Variants in DLGAP2 observed in about 807,000 individuals in gnomAD.
The protein encoded by DLGAP2 is disks large-associated protein 2.
A neutral mutation model predicts 100.3 loss-of-function variants in DLGAP2; 26 were observed. That is an observed-to-expected ratio of 0.26 (90% CI 0.19 to 0.36). DLGAP2 has a LOEUF of 0.36. Ranked by LOEUF, DLGAP2 falls within the 10% of genes least tolerant of loss-of-function variation. The pLI, the probability that DLGAP2 is intolerant of heterozygous loss-of-function variation, is 1.00. For synonymous variants in DLGAP2, 886 were observed against 630.1 expected, an observed-to-expected ratio of 1.41 and a Z score of -6.08; for missense variants, 1,858 against 1,453.2, an observed-to-expected ratio of 1.28 and a Z score of -4.53.
intron 3 of DLGAP2, among the ~76,000 whole-genome samples, chr8:1,432,136 G>A (rs927936381): frequency 6.6e-6 from 1 of 152,160 alleles, no homozygotes; most frequent in Admixed American, 6.5e-5. Context: ...TTGATCATTC[G>A]GGGCTAGTTC....
chr8:1,453,300 T>A (rs1286743985), intron 3 of DLGAP2, among the ~76,000 whole-genome samples: 1 of 152,136 alleles, frequency 6.6e-6, no homozygotes, highest in African/African-American at 2.4e-5. Flanking sequence ...GGGAGGTGTG[T>A]GACTGTCACC....
At chr8:1,677,814 A>G (rs1474503623) in intron 11 of DLGAP2, among the ~76,000 whole-genome samples, 4 of 152,250 alleles carry the variant, frequency 2.6e-5, no homozygotes, top group African/African-American at 4.8e-5. Context: ...TTTGGAAGCC[A>G]CTACAACTCA....
chr8:1,025,575 T>G (rs1039516813), intron 2 of DLGAP2, among the ~76,000 whole-genome samples: 2 of 152,224 alleles, frequency 1.3e-5, no homozygotes, highest in Non-Finnish European at 2.9e-5. Context: ...GGAGAGCAGC[T>G]GTGTGGAATT....
At chr8:1,515,158 G>C (rs181567474) in intron 4 of DLGAP2, among the ~76,000 whole-genome samples, 46 of 152,280 alleles carry the variant, frequency 3.0e-4, no homozygotes, top group African/African-American at 1.0e-3. Flanking sequence ...GACATGGAAG[G>C]CAGCCTTGGA....
intron 3 of DLGAP2, among the ~76,000 whole-genome samples, chr8:1,411,647 C>G (rs1419572533): frequency 6.6e-6 from 1 of 152,214 alleles, no homozygotes; most frequent in African/African-American, 2.4e-5. Context: ...TCTCCTTTCC[C>G]TCCTGCTCTG....
chr8:807,884 C>T (rs1416256617), intron 1 of DLGAP2, among the ~76,000 whole-genome samples: 2 of 152,174 alleles, frequency 1.3e-5, no homozygotes, highest in Admixed American at 6.5e-5. Flanking sequence ...TAAATCACAG[C>T]AGCCGGAGGA....
chr8:1,452,979 G>C (rs186478791), intron 3 of DLGAP2, among the ~76,000 whole-genome samples: 1 of 152,320 alleles, frequency 6.6e-6, no homozygotes, highest in Non-Finnish European at 1.5e-5. Flanking sequence ...GTTATGGATG[G>C]GAAGGAGACG....
At chr8:797,422 A>G (rs1270144555) in intron 1 of DLGAP2, among the ~76,000 whole-genome samples, 1 of 152,250 alleles carries the variant, frequency 6.6e-6, no homozygotes, top group Non-Finnish European at 1.5e-5. Context: ...CTTCTGCTGA[A>G]GAATGTGCCA....
chr8:857,852 C>A (rs1797310149), intron 1 of DLGAP2, among the ~76,000 whole-genome samples: 1 of 150,618 alleles, frequency 6.6e-6, no homozygotes, highest in Admixed American at 6.7e-5. Flanking sequence ...AACTTCTGTT[C>A]ACACAAAAAC....
At chr8:1,065,119 A>G (rs929279685) in intron 2 of DLGAP2, among the ~76,000 whole-genome samples, 5 of 152,128 alleles carry the variant, frequency 3.3e-5, no homozygotes, top group Non-Finnish European at 5.9e-5. Flanking sequence ...GCCTGCCTTT[A>G]TTCACTCTCT....
At chr8:1,491,624 G>A (rs1005200639) in intron 3 of DLGAP2, among the ~76,000 whole-genome samples, 28 of 152,188 alleles carry the variant, frequency 1.8e-4, no homozygotes, top group African/African-American at 6.3e-4. Context: ...ACCTAACGCC[G>A]CATGTATTTG....
intron 3 of DLGAP2, among the ~76,000 whole-genome samples, chr8:1,344,371 T>C (rs1328376889): frequency 6.6e-6 from 1 of 152,224 alleles, no homozygotes; most frequent in African/African-American, 2.4e-5. Flanking sequence ...GGGACACAGC[T>C]GTGAATCCTC....
At chr8:1,566,365 C>G (rs1321180129) in intron 6 of DLGAP2, among the ~76,000 whole-genome samples, 1 of 152,092 alleles carries the variant, frequency 6.6e-6, no homozygotes, top group Non-Finnish European at 1.5e-5. Context: ...AAATATAATA[C>G]CCTACACTTT....
At chr8:1,622,151 G>A (rs924447582) in intron 6 of DLGAP2, 4 of 152,340 alleles carry the variant, frequency 2.6e-5, no homozygotes, top group East Asian at 1.9e-4. Flanking sequence ...GCACACGAAT[G>A]TCTGTTTCAC....
chr8:1,159,156 G>T (rs998198030), intron 2 of DLGAP2, among the ~76,000 whole-genome samples: 12 of 152,172 alleles, frequency 7.9e-5, no homozygotes, highest in Non-Finnish European at 1.6e-4. Context: ...AAAGATGTCT[G>T]ATAAAAAATA....
At chr8:800,255 G>T (rs1436821012) in intron 1 of DLGAP2, among the ~76,000 whole-genome samples, 1 of 152,226 alleles carries the variant, frequency 6.6e-6, no homozygotes, top group Non-Finnish European at 1.5e-5. Flanking sequence ...GGTGGTTTGA[G>T]AGGGTTTTAA....
intron 6 of DLGAP2, among the ~76,000 whole-genome samples, chr8:1,605,758 TC>T (rs993882536): frequency 6.6e-6 from 1 of 152,180 alleles, no homozygotes; most frequent in Non-Finnish European, 1.5e-5. Flanking sequence ...AGCCAGCAGC[TC>T]CCCACTCTGG....
intron 1 of DLGAP2, among the ~76,000 whole-genome samples, chr8:788,646 C>T (rs1004725865): frequency 3.3e-5 from 5 of 152,138 alleles, no homozygotes; most frequent in Admixed American, 6.5e-5. Flanking sequence ...TTTGGTTTTG[C>T]GAGAAGAAGC....
intron 3 of DLGAP2, among the ~76,000 whole-genome samples, chr8:1,347,480 A>C (rs1801592056): frequency 6.6e-6 from 1 of 151,942 alleles, no homozygotes; most frequent in African/African-American, 2.4e-5. Context: ...CATTGCTCTC[A>C]TGGGGGCTGT....
Sources: allele counts gnomAD v4.1 joint callset (sites outside exome capture counted in the v4.1 genomes callset), GRCh38; gene constraint gnomAD v4.1.1; transcripts MANE v1.5; gene names NCBI Gene and HGNC (gene_info 2026-07-23, HGNC 2026-07-21).